Variants in SOX5 observed in about 807,000 individuals in gnomAD.
SOX5 encodes the protein SRY-box transcription factor 5.
A neutral mutation model predicts 92.0 loss-of-function variants in SOX5; 9 were observed. The observed-to-expected ratio is 0.10, with a 90% CI of 0.06 to 0.17. SOX5 has a LOEUF of 0.17. Among genes scored for constraint, SOX5 ranks in the 10% least tolerant of loss-of-function variants. The probability of loss-of-function intolerance (pLI) is 1.00; values close to 1 mark genes in which losing one functional copy is unlikely to be tolerated. For synonymous variants in SOX5, 344 were observed against 336.3 expected (o/e 1.02, Z -0.25); for missense variants, 642 against 944.5 (o/e 0.68, Z 4.20).
intron 8 of SOX5, among the ~76,000 whole-genome samples, chr12:23,639,787 A>G (rs2079797753): frequency 6.6e-6 from 1 of 152,228 alleles, no homozygotes; most frequent in African/African-American, 2.4e-5. Context: ...GAAACCCACC[A>G]GGTCTTCTGA....
chr12:24,122,555 T>G (rs1049859640), intron 4 of SOX5, among the ~76,000 whole-genome samples: 1 of 152,198 alleles, frequency 6.6e-6, no homozygotes, highest in Non-Finnish European at 1.5e-5. Flanking sequence ...TGACATTTTG[T>G]CAAGAAGACA....
chr12:24,001,163 T>C (rs1490982831), intron 4 of SOX5, among the ~76,000 whole-genome samples: 1 of 152,080 alleles, frequency 6.6e-6, no homozygotes, highest in Non-Finnish European at 1.5e-5. Flanking sequence ...CAATCATGGC[T>C]CACTACAGCC....
intron 3 of SOX5, among the ~76,000 whole-genome samples, chr12:23,788,531 C>T (rs558554921): frequency 3.3e-5 from 5 of 151,590 alleles, no homozygotes; most frequent in South Asian, 2.1e-4. Flanking sequence ...TGTCAAAGCA[C>T]GGTTTAATAA....
intron 4 of SOX5, among the ~76,000 whole-genome samples, chr12:24,210,469 A>G (rs988752054): frequency 2.0e-5 from 3 of 152,208 alleles, no homozygotes; most frequent in African/African-American, 7.2e-5. Flanking sequence ...TTATAATAAA[A>G]GAGTTACATA....
chr12:23,536,591 A>C lies in SOX5; in HGVS notation c.1850T>G (p.Leu617Arg). 1 of 1,614,160 alleles carries C rather than the reference A, an allele frequency of 6.2e-7. No individual in the cohort carries two copies. The highest frequency in any genetic ancestry group is 8.5e-7 in the Non-Finnish European group (1 of 1,179,996). The change falls in exon 14 of 15, where the codon CTG becomes CGG. Residue 617 changes from leucine to arginine, a missense_variant. Leu to Arg is a moderately radical substitution (Grantham distance 102). Around this residue, in one of 8 missense-constraint regions of SOX5, gnomAD observed 21 missense variants for 52.3 expected, o/e 0.40. Transcript: ENST00000451604. ...EEQARLSKQH[L>R]EKYPDYKYKP... is the part of the protein sequence containing the mutation. Reference sequence around the variant, plus strand: ...GTACTTATAGTCAGGGTACTTCTCCAGGTGCTGCTTGCTGAGACGGGCTTG... The same window carrying C: ...GTACTTATAGTCAGGGTACTTCTCCCGGTGCTGCTTGCTGAGACGGGCTTG...
At chr12:23,897,727 T>A (rs921947721) in intron 1 of SOX5, among the ~76,000 whole-genome samples, 7 of 152,226 alleles carry the variant, frequency 4.6e-5, no homozygotes, top group South Asian at 4.2e-4. Flanking sequence ...AAATGCTCCC[T>A]GGCCAGCAAT....
intron 4 of SOX5, among the ~76,000 whole-genome samples, chr12:23,974,864 ATATGT>A (rs1415062926): frequency 2.6e-5 from 4 of 152,326 alleles, no homozygotes; most frequent in South Asian, 2.1e-4. Context: ...AAAATTTGAA[ATATGT>A]TATAAGAAAA....
intron 1 of SOX5, among the ~76,000 whole-genome samples, chr12:24,498,688 A>G (rs1033565850): frequency 1.3e-5 from 2 of 152,176 alleles, no homozygotes; most frequent in African/African-American, 2.4e-5. Flanking sequence ...GACTATACAT[A>G]TGATTATCAT....
chr12:24,192,323 A>G (rs1252578826), intron 4 of SOX5, among the ~76,000 whole-genome samples: 2 of 152,180 alleles, frequency 1.3e-5, no homozygotes, highest in South Asian at 4.1e-4. Flanking sequence ...TCATTTTATC[A>G]TTTTTCTTGT....
chr12:23,990,177 A>C (rs1950436408), intron 4 of SOX5, among the ~76,000 whole-genome samples: 1 of 152,180 alleles, frequency 6.6e-6, no homozygotes, highest in Non-Finnish European at 1.5e-5. Context: ...CTGTCCCCTC[A>C]GTTGCATTAT....
intron 4 of SOX5, among the ~76,000 whole-genome samples, chr12:24,082,214 G>A (rs1171444419): frequency 6.6e-6 from 1 of 151,572 alleles, no homozygotes; most frequent in Non-Finnish European, 1.5e-5. Flanking sequence ...TGATGGGACT[G>A]GAACTATTAT....
At chr12:24,455,571 A>G (rs1434014195) in intron 1 of SOX5, among the ~76,000 whole-genome samples, 1 of 152,236 alleles carries the variant, frequency 6.6e-6, no homozygotes, top group African/African-American at 2.4e-5. Flanking sequence ...TGGAGAATGC[A>G]TTCATGGAGC....
chr12:23,792,313 A>C (rs1188014900), intron 3 of SOX5, among the ~76,000 whole-genome samples: 1 of 151,998 alleles, frequency 6.6e-6, no homozygotes, highest in Non-Finnish European at 1.5e-5. Flanking sequence ...ATGGGGATAC[A>C]CATAACTAAG....
At chr12:23,609,098 A>C (rs947346743) in intron 8 of SOX5, among the ~76,000 whole-genome samples, 1 of 152,154 alleles carries the variant, frequency 6.6e-6, no homozygotes, top group Non-Finnish European at 1.5e-5. Flanking sequence ...GCATTCTAGG[A>C]AGGCAGTACA....
chr12:23,854,979 G>A (rs1235656104), intron 2 of SOX5, among the ~76,000 whole-genome samples: 1 of 151,930 alleles, frequency 6.6e-6, no homozygotes, highest in Non-Finnish European at 1.5e-5. Context: ...AGCTATATAA[G>A]TGTTTGTTAA....
Position 24,014,690 on chromosome 12 carries a change from T to G in SOX5, c.-1-118666A>C, listed in dbSNP as rs1446440254. 2.0e-5 allele frequency among the ~76,000 whole-genome samples: 3 copies of G among 152,076 alleles called. No homozygotes were observed. The East Asian group carries it at 5.8e-4, about 29-fold the overall frequency. Reference sequence around the variant, plus strand: ...AATGGTAGGTTTTGGGAAAGTCACTTGGAAAAAAGAGTAGAAAAGTCTAAG... The same window carrying G: ...AATGGTAGGTTTTGGGAAAGTCACTGGGAAAAAAGAGTAGAAAAGTCTAAG... On this transcript the variant is annotated intron_variant, in intron 4 of 4. Coordinates refer to the SOX5 transcript ENST00000446891.
intron 3 of SOX5, among the ~76,000 whole-genome samples, chr12:24,276,534 CTTCCT>C (rs1011203692): frequency 3.9e-5 from 6 of 152,264 alleles, no homozygotes; most frequent in Admixed American, 3.3e-4. Context: ...AACAGAATTC[CTTCCT>C]TTCATCCTTT....
At chr12:23,952,193 G>C (rs1284436284), upstream of SOX5, among the ~76,000 whole-genome samples, 7 of 152,182 alleles carry the variant, frequency 4.6e-5, no homozygotes, top group East Asian at 9.7e-4. Flanking sequence ...CATGGGAGTG[G>C]AGTCAGGAAG....
At chr12:24,008,224 T>C (rs559001544) in intron 4 of SOX5, among the ~76,000 whole-genome samples, 3 of 152,260 alleles carry the variant, frequency 2.0e-5, no homozygotes, top group Non-Finnish European at 4.4e-5. Context: ...CAGTGTACAT[T>C]TTGCAGAATA....
Sources: allele counts gnomAD v4.1 joint callset (sites outside exome capture counted in the v4.1 genomes callset), GRCh38; gene constraint gnomAD v4.1.1; regional missense constraint gnomAD v4.1.1; transcripts MANE v1.5; gene names NCBI Gene and HGNC (gene_info 2026-07-23, HGNC 2026-07-21).